TENM2: variants seen among roughly 807,000 people sequenced by gnomAD.
TENM2 encodes teneurin transmembrane protein 2, also known as teneurin-2.
TENM2 carries 52 observed loss-of-function variants against 245.2 expected under a neutral mutation model. That is an observed-to-expected ratio of 0.21 (90% CI 0.17 to 0.27). The LOEUF (loss-of-function observed/expected upper bound fraction) is 0.27. TENM2 is among the 10% of genes least tolerant of loss of function. The pLI is 1.00. For synonymous variants in TENM2, 1,363 were observed against 1,438.9 expected (o/e 0.95, Z 1.19); for missense variants, 3,046 against 3,666.8 (o/e 0.83, Z 4.37).
chr5:167,187,074 C>T, the TENM2 span, among the ~76,000 whole-genome samples: 1 of 152,300 alleles, frequency 6.6e-6, no homozygotes, highest in South Asian at 2.1e-4. Flanking sequence ...CAGAGTCATT[C>T]GCAGGTTAGT....
At chr5:167,522,561 G>A (rs1224595937) in intron 2 of TENM2, among the ~76,000 whole-genome samples, 1 of 151,734 alleles carries the variant, frequency 6.6e-6, no homozygotes, top group Non-Finnish European at 1.5e-5. Flanking sequence ...TCTTTTGCCT[G>A]TATTATTTAT....
At chr5:167,274,377 A>G in the TENM2 span, among the ~76,000 whole-genome samples, 1 of 152,116 alleles carries the variant, frequency 6.6e-6, no homozygotes, top group Non-Finnish European at 1.5e-5. Flanking sequence ...TGGCATGGGT[A>G]TACCATAGTT....
At chr5:167,003,882 C>T in the TENM2 span, among the ~76,000 whole-genome samples, 4 of 152,002 alleles carry the variant, frequency 2.6e-5, no homozygotes, top group Non-Finnish European at 4.4e-5. Context: ...GTCTAATGAG[C>T]GTTTTAGCTT....
chr5:167,813,082 G>A (rs1193153805), intron 2 of TENM2, among the ~76,000 whole-genome samples: 1 of 152,142 alleles, frequency 6.6e-6, no homozygotes, highest in South Asian at 2.1e-4. Context: ...GAAATACAAA[G>A]GTTTGTATCC....
At chr5:167,097,811 C>T in the TENM2 span, among the ~76,000 whole-genome samples, 9 of 152,210 alleles carry the variant, frequency 5.9e-5, no homozygotes, top group Non-Finnish European at 1.0e-4. Flanking sequence ...TCATGTTTCT[C>T]AAGTAAAAAA....
At chr5:168,083,046 C>T (rs1792138392) in intron 7 of TENM2, among the ~76,000 whole-genome samples, 1 of 152,174 alleles carries the variant, frequency 6.6e-6, no homozygotes, top group Non-Finnish European at 1.5e-5. Context: ...GCCCTGCCCC[C>T]GAGGTGGAGT....
At chr5:168,234,154 G>A (rs1411029862) in intron 25 of TENM2, among the ~76,000 whole-genome samples, 1 of 152,078 alleles carries the variant, frequency 6.6e-6, no homozygotes, top group Non-Finnish European at 1.5e-5. Flanking sequence ...ACATTGCGGG[G>A]GTGGGGGGTG....
At chr5:167,611,756 C>A (rs573546341) in intron 2 of TENM2, among the ~76,000 whole-genome samples, 3 of 151,910 alleles carry the variant, frequency 2.0e-5, no homozygotes, top group South Asian at 2.1e-4. Context: ...TCATAGATGG[C>A]GCCTCCTCAT....
At chr5:168,047,901 C>G (rs113577384) in intron 6 of TENM2, among the ~76,000 whole-genome samples, 3 of 152,188 alleles carry the variant, frequency 2.0e-5, no homozygotes, top group African/African-American at 7.2e-5. Context: ...GCAGCAGCAG[C>G]AGCAGCAGGA....
At chr5:168,013,409 G>T (rs1303337410) in intron 5 of TENM2, among the ~76,000 whole-genome samples, 2 of 152,072 alleles carry the variant, frequency 1.3e-5, no homozygotes, top group Non-Finnish European at 2.9e-5. Context: ...TTCAAGACCA[G>T]CCTGGCCAAC....
chr5:167,586,149 C>T (rs539204123), intron 2 of TENM2, among the ~76,000 whole-genome samples: 6 of 136,670 alleles, frequency 4.4e-5, no homozygotes, highest in South Asian at 2.5e-4. Flanking sequence ...AGTAAGAGTA[C>T]GATAATAAAA....
At chr5:168,071,221 A>G (rs1164368869) in intron 7 of TENM2, among the ~76,000 whole-genome samples, 2 of 152,234 alleles carry the variant, frequency 1.3e-5, no homozygotes, top group East Asian at 1.9e-4. Context: ...TTGGATGTAA[A>G]TGAAATAATC....
At chr5:167,666,954 A>G (rs954432036) in intron 2 of TENM2, among the ~76,000 whole-genome samples, 5 of 152,194 alleles carry the variant, frequency 3.3e-5, no homozygotes, top group African/African-American at 9.6e-5. Flanking sequence ...GGGATATGGC[A>G]CTTCTCAGCA....
the TENM2 span, among the ~76,000 whole-genome samples, chr5:167,198,905 A>G: frequency 1.2e-4 from 18 of 152,116 alleles, no homozygotes; most frequent in South Asian, 3.5e-3. Context: ...TCCACAGTGT[A>G]TACCCCACCT....
At chr5:168,040,520 A>C (rs1788094500) in intron 5 of TENM2, among the ~76,000 whole-genome samples, 1 of 152,220 alleles carries the variant, frequency 6.6e-6, no homozygotes, top group Non-Finnish European at 1.5e-5. Context: ...CAGTGCTTTG[A>C]AAATTCATTC....
intron 5 of TENM2, among the ~76,000 whole-genome samples, chr5:168,036,690 T>TATATAC: frequency 8.4e-6 from 1 of 118,400 alleles, no homozygotes; most frequent in South Asian, 2.7e-4. Flanking sequence ...TATATATATA[T>TATATAC]ATATATATAT....
At chr5:167,534,513 G>A (rs1314875413) in intron 2 of TENM2, among the ~76,000 whole-genome samples, 3 of 152,156 alleles carry the variant, frequency 2.0e-5, no homozygotes, top group Non-Finnish European at 2.9e-5. Context: ...TATGCACTGA[G>A]CAAAATTATC....
the TENM2 span, among the ~76,000 whole-genome samples, chr5:167,190,305 A>G: frequency 2.6e-5 from 4 of 152,128 alleles, no homozygotes; most frequent in Non-Finnish European, 5.9e-5. Flanking sequence ...TTTTCAGAAC[A>G]GGACCAGGGT....
the TENM2 span, among the ~76,000 whole-genome samples, chr5:167,228,290 A>G: frequency 0.2 from 30,880 of 151,666 alleles, 3,623 homozygotes; most frequent in African/African-American, 0.32. Context: ...TCAGCTTCCC[A>G]AAGTGCTGGG....
Sources: allele counts gnomAD v4.1 joint callset (sites outside exome capture counted in the v4.1 genomes callset), GRCh38; gene constraint gnomAD v4.1.1; transcripts MANE v1.5; gene names NCBI Gene and HGNC (gene_info 2026-07-23, HGNC 2026-07-21).